ROBO2: variants seen among roughly 807,000 people sequenced by gnomAD.
ROBO2 encodes the protein roundabout homolog 2.
ROBO2 carries 53 observed loss-of-function variants against 160.8 expected under a neutral mutation model. The ratio of observed to expected loss-of-function variants is 0.33; its 90% CI spans 0.26 to 0.41. The LOEUF is 0.41. Among genes scored for constraint, ROBO2 ranks in the 10% least tolerant of loss-of-function variants. ROBO2 has a pLI of 1.00. For missense variants in ROBO2, 1,577 were observed against 1,722.4 expected (o/e 0.92, Z 1.49); for synonymous variants, 664 against 611.7 (o/e 1.09, Z -1.26).
intron 2 of ROBO2, among the ~76,000 whole-genome samples, chr3:77,370,913 T>A (rs749721633): frequency 6.6e-6 from 1 of 152,146 alleles, no homozygotes; most frequent in East Asian, 1.9e-4. Flanking sequence ...CTGCCCTAGA[T>A]AGTCCAGGGA....
rs115606886 is a variant in ROBO2 at position 76,354,978 on chromosome 3, T to C, written c.109+417376T>C. 1.4e-3 allele frequency among the ~76,000 whole-genome samples: 205 copies of C among 151,806 alleles called. 2 individuals carry two copies. The highest frequency in any genetic ancestry group is 4.6e-3 in the African/African-American group (190 of 41,498). On this transcript the variant is annotated intron_variant, in intron 2 of 26. Transcript: ENST00000487694. ...ACCCAGTGAAATATTTTGTTAAGCATTTGAAAGTTCCATGCATATATCTGG... is the reference window on the plus strand; with the variant it reads ...ACCCAGTGAAATATTTTGTTAAGCACTTGAAAGTTCCATGCATATATCTGG...
intron 2 of ROBO2, among the ~76,000 whole-genome samples, chr3:76,134,914 C>T (rs763599907): frequency 7.9e-5 from 12 of 151,934 alleles, no homozygotes; most frequent in Non-Finnish European, 1.5e-4. Flanking sequence ...CAAATTGACC[C>T]AAGCATATGT....
At chr3:77,030,777 A>T (rs952072787) in intron 2 of ROBO2, among the ~76,000 whole-genome samples, 1 of 152,174 alleles carries the variant, frequency 6.6e-6, no homozygotes, top group African/African-American at 2.4e-5. Flanking sequence ...GAATCACTGG[A>T]TTGGGGCTCA....
chr3:77,127,983 G>A (rs544734669), intron 2 of ROBO2, among the ~76,000 whole-genome samples: 15 of 152,238 alleles, frequency 9.9e-5, no homozygotes, highest in Non-Finnish European at 1.0e-4. Context: ...ACAGTTTTTC[G>A]CCTATAATGT....
intron 21 of ROBO2, among the ~76,000 whole-genome samples, chr3:77,615,395 C>G (rs1267883119): frequency 3.3e-5 from 5 of 152,108 alleles, no homozygotes; most frequent in African/African-American, 1.2e-4. Flanking sequence ...CTGTGTTGCA[C>G]AGTCTATGGA....
intron 24 of ROBO2, among the ~76,000 whole-genome samples, chr3:77,636,550 C>A (rs1419960628): frequency 6.6e-6 from 1 of 151,790 alleles, no homozygotes; most frequent in Admixed American, 6.6e-5. Context: ...TGAGATCACA[C>A]CACTGCACTC....
chr3:76,916,069 G>A (rs1031076972), intron 2 of ROBO2, among the ~76,000 whole-genome samples: 4 of 152,150 alleles, frequency 2.6e-5, no homozygotes, highest in African/African-American at 9.7e-5. Context: ...TCAGATGGAG[G>A]GTTAGGGTTT....
intron 2 of ROBO2, among the ~76,000 whole-genome samples, chr3:76,264,892 A>C (rs1447630125): frequency 6.6e-6 from 1 of 152,142 alleles, no homozygotes; most frequent in Non-Finnish European, 1.5e-5. Flanking sequence ...TTGCCACCTC[A>C]CTTGCCTTAC....
chr3:76,308,103 G>A (rs2071406742), intron 2 of ROBO2, among the ~76,000 whole-genome samples: 1 of 152,038 alleles, frequency 6.6e-6, no homozygotes, highest in Admixed American at 6.5e-5. Flanking sequence ...CTTTGGCTGG[G>A]CATGGTGGCT....
chr3:77,261,463 GTGT>G (rs2058768311), intron 2 of ROBO2, among the ~76,000 whole-genome samples: 1 of 152,162 alleles, frequency 6.6e-6, no homozygotes, highest in Admixed American at 6.5e-5. Flanking sequence ...TTGTTATAAT[GTGT>G]TGTCAGTTCT....
chr3:76,501,279 C>A (rs2080449961), intron 2 of ROBO2, among the ~76,000 whole-genome samples: 2 of 152,108 alleles, frequency 1.3e-5, no homozygotes, highest in Admixed American at 1.3e-4. Flanking sequence ...GTTGGTTTGT[C>A]TTCTCAAGGG....
chr3:76,555,797 C>G (rs749183942), intron 2 of ROBO2, among the ~76,000 whole-genome samples: 1 of 152,046 alleles, frequency 6.6e-6, no homozygotes, highest in South Asian at 2.1e-4. Context: ...AAGAAAAACT[C>G]TGGCCAGGCA....
At chr3:77,315,216 G>A (rs1422195904) in intron 2 of ROBO2, among the ~76,000 whole-genome samples, 1 of 152,036 alleles carries the variant, frequency 6.6e-6, no homozygotes, top group Admixed American at 6.5e-5. Flanking sequence ...AACAGTCTTA[G>A]AATAACTACA....
At chr3:76,616,651 C>G (rs576476240) in intron 2 of ROBO2, among the ~76,000 whole-genome samples, 3 of 152,186 alleles carry the variant, frequency 2.0e-5, no homozygotes, top group African/African-American at 7.2e-5. Flanking sequence ...AGGAGTCACA[C>G]GAACTGTGCT....
chr3:77,326,619 G>A (rs1056977828), intron 2 of ROBO2, among the ~76,000 whole-genome samples: 1 of 152,176 alleles, frequency 6.6e-6, no homozygotes, highest in Non-Finnish European at 1.5e-5. Flanking sequence ...CTTTGTATGT[G>A]AATGCGTTTC....
intron 2 of ROBO2, among the ~76,000 whole-genome samples, chr3:76,072,617 A>G (rs2068499576): frequency 6.6e-6 from 1 of 152,136 alleles, no homozygotes; most frequent in Non-Finnish European, 1.5e-5. Context: ...AGCACACTTC[A>G]TATTATGGCT....
intron 2 of ROBO2, among the ~76,000 whole-genome samples, chr3:76,096,192 A>G (rs946477994): frequency 6.6e-5 from 10 of 152,168 alleles, no homozygotes; most frequent in African/African-American, 2.4e-4. Context: ...CCTCGAGTTT[A>G]CTTGGGCCAC....
chr3:76,927,724 A>G (rs1350428033), intron 2 of ROBO2, among the ~76,000 whole-genome samples: 1 of 152,178 alleles, frequency 6.6e-6, no homozygotes, highest in Non-Finnish European at 1.5e-5. Context: ...TACAATGTTT[A>G]TTATTAGGTT....
At chr3:76,240,986 A>C (rs910056788) in intron 2 of ROBO2, among the ~76,000 whole-genome samples, 1 of 152,236 alleles carries the variant, frequency 6.6e-6, no homozygotes, top group Admixed American at 6.5e-5. Context: ...GTCCTATGGA[A>C]GTTGTAGATT....
Sources: gnomAD v4.1 joint callset for allele counts (sites outside exome capture counted in the v4.1 genomes callset) on GRCh38, gnomAD v4.1.1 for gene constraint, MANE v1.5 for transcripts, NCBI Gene and HGNC (gene_info 2026-07-23, HGNC 2026-07-21) for gene names.